The following ARHGAP22 variants were observed in gnomAD, a reference collection of about 807,000 sequenced individuals.
ARHGAP22 encodes the protein rho GTPase-activating protein 22.
A neutral mutation model predicts 59.1 loss-of-function variants in ARHGAP22; 48 were observed. The observed-to-expected ratio is 0.81, with a 90% confidence interval of 0.64 to 1.03. ARHGAP22 has a LOEUF of 1.03. ARHGAP22 is among the 50% of genes least tolerant of loss of function. The probability of loss-of-function intolerance (pLI) is 0.00; values close to 1 mark genes in which losing one functional copy is unlikely to be tolerated. For synonymous variants in ARHGAP22, 445 were observed against 416.4 expected (o/e 1.07, Z -0.84); for missense variants, 1,015 against 958.7 (o/e 1.06, Z -0.78).
At chr10:48,522,183 T>G (rs1003489990) in intron 3 of ARHGAP22, among the ~76,000 whole-genome samples, 2 of 152,202 alleles carry the variant, frequency 1.3e-5, no homozygotes, top group African/African-American at 4.8e-5. Flanking sequence ...CAGTGGCTGG[T>G]CATCCACTCT....
downstream of ARHGAP22, chr10:48,444,008 A>G (rs1365641977): frequency 6.6e-6 from 1 of 152,230 alleles, no homozygotes; most frequent in Non-Finnish European, 1.5e-5. Flanking sequence ...CACAAGTTTT[A>G]CGACACTGTT....
intron 3 of ARHGAP22, among the ~76,000 whole-genome samples, chr10:48,553,319 G>A (rs1411466214): frequency 6.6e-6 from 1 of 152,268 alleles, no homozygotes; most frequent in Non-Finnish European, 1.5e-5. Flanking sequence ...CGCAGGATCT[G>A]CAGGAACCTG....
intron 1 of ARHGAP22, among the ~76,000 whole-genome samples, chr10:48,626,325 A>G (rs536438853): frequency 2.3e-4 from 35 of 152,262 alleles, no homozygotes; most frequent in Admixed American, 2.0e-3. Flanking sequence ...GTGAATTCTG[A>G]TGTCCCCAGG....
At chr10:48,570,874 C>T (rs56289485) in intron 2 of ARHGAP22, among the ~76,000 whole-genome samples, 16,812 of 152,226 alleles carry the variant, frequency 0.11, 1,311 homozygotes, top group Non-Finnish European at 0.18. Flanking sequence ...ACGCTCTGCA[C>T]GAAACGGCCA....
In ARHGAP22 at chr10:48,459,854, G is replaced by C; in HGVS notation, c.489C>G (p.His163Gln). The C allele has an allele frequency of 1.9e-6, 3 of 1,613,162 alleles. No homozygotes were observed. Among genetic ancestry groups the C allele is most frequent in the Non-Finnish European group, 2.5e-6 (3 of 1,180,034 alleles). Residue 163 changes from histidine (H) to glutamine (Q), a missense_variant, in exon 5 of 10, where the codon CAC becomes CAG. Coordinates refer to ENST00000249601, the MANE Select transcript of ARHGAP22 (RefSeq NM_021226.4). The stretch of plus-strand genomic sequence containing the variant: ...CCAGGCGGGGGCCATACTTCCGCTC[G>C]TGGTGGACTGTTTCCTCTAGGCGCT... Reference protein sequence around the residue: ...FGQRLEETVHHERKYGPRLAP... With the variant: ...FGQRLEETVHQERKYGPRLAP...
At chr10:48,501,516 T>G (rs1456846761) in intron 3 of ARHGAP22, among the ~76,000 whole-genome samples, 1 of 152,200 alleles carries the variant, frequency 6.6e-6, no homozygotes, top group Non-Finnish European at 1.5e-5. Flanking sequence ...GTGAGGAAAG[T>G]GGGCAGACCT....
chr10:48,507,018 A>G (rs2052212715), intron 3 of ARHGAP22, among the ~76,000 whole-genome samples: 1 of 152,166 alleles, frequency 6.6e-6, no homozygotes, highest in Non-Finnish European at 1.5e-5. Flanking sequence ...GCCCCCCACC[A>G]GTACCCCAGC....
At chr10:48,650,438 C>G (rs1314175903) in intron 1 of ARHGAP22, among the ~76,000 whole-genome samples, 1 of 152,120 alleles carries the variant, frequency 6.6e-6, no homozygotes, top group Non-Finnish European at 1.5e-5. Flanking sequence ...GAAGAGGGAG[C>G]AACCTCTTAA....
At chr10:48,601,868 C>T (rs992078248) in intron 1 of ARHGAP22, among the ~76,000 whole-genome samples, 5 of 152,136 alleles carry the variant, frequency 3.3e-5, no homozygotes, top group Admixed American at 2.0e-4. Flanking sequence ...TTAGATGCAC[C>T]TTCTTAAAAA....
intron 1 of ARHGAP22, among the ~76,000 whole-genome samples, chr10:48,603,561 G>A (rs951587716): frequency 1.2e-4 from 18 of 152,272 alleles, no homozygotes; most frequent in Non-Finnish European, 2.6e-4. Flanking sequence ...GCCACATGTG[G>A]CCAGTGGCCA....
intron 1 of ARHGAP22, among the ~76,000 whole-genome samples, chr10:48,642,318 C>G (rs1268295973): frequency 1.3e-5 from 2 of 152,136 alleles, no homozygotes; most frequent in African/African-American, 4.8e-5. Context: ...GGAGGCATCA[C>G]GCTACCTGAC....
chr10:48,643,282 A>T (rs1325580191), intron 1 of ARHGAP22, among the ~76,000 whole-genome samples: 1 of 152,178 alleles, frequency 6.6e-6, no homozygotes. Flanking sequence ...ATAAAGACAC[A>T]TGCACACGCC....
At chr10:48,634,770 G>A (rs1341213741) in intron 1 of ARHGAP22, among the ~76,000 whole-genome samples, 1 of 152,178 alleles carries the variant, frequency 6.6e-6, no homozygotes. Context: ...CATACAGAAA[G>A]TGGCTGTATT....
intron 4 of ARHGAP22, among the ~76,000 whole-genome samples, chr10:48,461,027 G>C (rs191531039): frequency 9.8e-5 from 15 of 152,330 alleles, no homozygotes; most frequent in African/African-American, 3.6e-4. Context: ...TCTCAGCTTT[G>C]CAAGATGGAA....
At chr10:48,606,879 A>T (rs907007423), upstream of ARHGAP22, among the ~76,000 whole-genome samples, 1 of 152,160 alleles carries the variant, frequency 6.6e-6, no homozygotes, top group African/African-American at 2.4e-5. Flanking sequence ...CCTGAGCCCC[A>T]GGCTGACTCA....
chr10:48,429,937 T>C, the ARHGAP22 span: 1 of 152,254 alleles, frequency 6.6e-6, no homozygotes, highest in East Asian at 1.9e-4. Context: ...ACTACTTTTA[T>C]ACAATTCTCA....
intron 2 of ARHGAP22, chr10:48,574,877 C>T (rs1170374116): frequency 1.3e-5 from 2 of 152,208 alleles, no homozygotes; most frequent in African/African-American, 4.8e-5. Flanking sequence ...TACTCCAGGT[C>T]AAGGACTCAG....
intron 8 of ARHGAP22, chr10:48,451,762 TCCC>T (rs1043468457): frequency 1.1e-5 from 6 of 552,488 alleles, no homozygotes; most frequent in African/African-American, 9.1e-5. Flanking sequence ...CCTCCCCAAA[TCCC>T]CCAACACACA....
chr10:48,556,330 T>A (rs1368682584), intron 2 of ARHGAP22, among the ~76,000 whole-genome samples: 1 of 152,140 alleles, frequency 6.6e-6, no homozygotes, highest in Non-Finnish European at 1.5e-5. Context: ...ATGTGGTAAG[T>A]CCTACTCAAG....
Sources: gnomAD v4.1 joint callset for allele counts (sites outside exome capture counted in the v4.1 genomes callset) on GRCh38, gnomAD v4.1.1 for gene constraint, MANE v1.5 for transcripts, NCBI Gene and HGNC (gene_info 2026-07-23, HGNC 2026-07-21) for gene names.